The following MYO7B variants were observed in gnomAD, a reference collection of about 807,000 sequenced individuals.
MYO7B encodes unconventional myosin-VIIb.
Under a neutral mutation model 259.7 loss-of-function variants are expected in MYO7B, and 212 were observed. The observed-to-expected ratio is 0.82, with a 90% CI of 0.73 to 0.91. The LOEUF is 0.91. MYO7B is among the 40% of genes least tolerant of loss of function. The probability of loss-of-function intolerance (pLI) is 0.00; values close to 1 mark genes in which losing one functional copy is unlikely to be tolerated. For synonymous variants in MYO7B, 1,197 were observed against 1,166.4 expected (o/e 1.03, Z -0.54); for missense variants, 2,732 against 2,813.5 (o/e 0.97, Z 0.66).
In MYO7B at chr2:127,637,470, G is replaced by A. The variant is rs899600078; in HGVS notation, c.*53G>A. On this transcript the variant is annotated 3_prime_UTR_variant, in exon 48 of 48. Coordinates refer to ENST00000409816, the MANE Select transcript of MYO7B (RefSeq NM_001393586.1). ...CGCCCTTCCCGACCTCTAGCCTGGC[G>A]GCACCTTCCCAGGCCCTCTCAACCC... 2.7e-5 allele frequency: 36 copies of A among 1,341,552 alleles called. No homozygotes were observed. The South Asian group carries it at 2.7e-4, about 10-fold the overall frequency. The allele number at this position is 1,341,552 out of a possible 1,614,324, so 83.1% of individuals were successfully genotyped here. A position where few individuals can be genotyped will look rare whatever the true frequency, so the allele number is the denominator to read the frequency against.
chr2:127,634,332 G>C (rs1329267111), intron 41 of MYO7B, 43 bp downstream of exon 41: 2 of 1,428,092 alleles, frequency 1.4e-6, no homozygotes, highest in Non-Finnish European at 1.9e-6. Flanking sequence ...CGGACGGGCA[G>C]TGAGCGAGGC....
chr2:127,605,228 C>T lies in MYO7B; in HGVS notation c.2340-616C>T, dbSNP rs887979442. The stretch of plus-strand genomic sequence containing the variant: ...AGGAGGGCCGTCTGCAATAAAAATG[C>T]GGAAGTAAGTTTTATCCTTTTGTAG... On this transcript the variant is annotated intron_variant, in intron 19 of 47. Coordinates refer to ENST00000409816, the MANE Select transcript of MYO7B (RefSeq NM_001393586.1). Among the ~76,000 whole-genome samples, 10 of 152,146 alleles carry T rather than the reference C, an allele frequency of 6.6e-5. No individual in the cohort carries two copies. In the East Asian group the frequency reaches 7.7e-4, roughly 12 times the overall value.
At chr2:127,633,417 G>A in intron 40 of MYO7B, 54 bp downstream of exon 40, 1 of 1,549,752 alleles carries the variant, frequency 6.5e-7, no homozygotes, top group Non-Finnish European at 8.9e-7. Flanking sequence ...GAGGCCATGG[G>A]GCATCCTCCT....
In MYO7B at chr2:127,565,382, C is replaced by T. The variant is rs772567705; in HGVS notation, c.282C>T (p.Ile94=). 6.2e-7 allele frequency: 1 copy of T among 1,613,998 alleles called. No homozygotes were observed. The highest frequency in any genetic ancestry group is 8.5e-7 in the Non-Finnish European group (1 of 1,179,852). The change falls in exon 4 of 48, where the codon ATC becomes ATT. Residue 94 remains isoleucine (I), a synonymous_variant. Coordinates refer to ENST00000409816, the MANE Select transcript of MYO7B (RefSeq NM_001393586.1). ...NLLIRYQQHK[I]YTYTGSILVA... ...TGATCCGCTACCAGCAGCACAAGAT[C>T]TATGTGAGTCTCCCCAGCCCTGTGT...
At chr2:127,571,605 C>G (rs780503704) in intron 6 of MYO7B, among the ~76,000 whole-genome samples, 3 of 151,670 alleles carry the variant, frequency 2.0e-5, no homozygotes, top group African/African-American at 7.3e-5. Flanking sequence ...CTCAGCCTCC[C>G]GAGTAGCTGG....
rs554982597 is a variant in MYO7B, at chr2:127,637,171, T to C, written c.6328-145T>C. The C allele has an allele frequency of 1.7e-4, 154 of 891,002 alleles. No homozygotes were observed. In the Admixed American group the frequency reaches 2.5e-3, roughly 15 times the overall value. The allele number at this position is 891,002 out of a possible 1,614,324, so 55.2% of individuals were successfully genotyped here. A position where few individuals can be genotyped will look rare whatever the true frequency, so the allele number is the denominator to read the frequency against. ...CCAGCTCCAGCAGGGCAAGCAGAAA[T>C]GACGGCCCCAATGGCAGGAGCCCGC... On this transcript the variant is annotated intron_variant, in intron 47 of 47. Coordinates refer to ENST00000409816, the MANE Select transcript of MYO7B (RefSeq NM_001393586.1).
chr2:127,563,175 T>A (rs984955292), intron 2 of MYO7B, among the ~76,000 whole-genome samples: 1 of 152,226 alleles, frequency 6.6e-6, no homozygotes, highest in African/African-American at 2.4e-5. Flanking sequence ...TTTTTGTAAA[T>A]TATGGTGAAA....
chr2:127,539,255 A>G lies in MYO7B; in HGVS notation c.-24+3424A>G, dbSNP rs17015391. ...AATAAAATAAGCTGGGACGTAGGAT[A>G]AATGAAGGTAGGAAAATACACTGCA... On this transcript the variant is annotated intron_variant, in intron 1 of 47. Coordinates refer to ENST00000409816, the MANE Select transcript of MYO7B (RefSeq NM_001393586.1). This position sits in a 1 kb window ranked among gnomAD's most constrained non-coding sequence, Gnocchi z 4.0. Among the ~76,000 whole-genome samples, 6,319 of 152,334 alleles carry G rather than the reference A, an allele frequency of 0.041. 194 individuals carry two copies. Among genetic ancestry groups the G allele is most frequent in the Admixed American group, 0.063 (958 of 15,300 alleles).
intron 42 of MYO7B, 81 bp from the exon 43 acceptor site, chr2:127,635,039 C>G (rs1006415439): frequency 8.1e-6 from 9 of 1,113,616 alleles, no homozygotes; most frequent in Admixed American, 3.9e-5. Context: ...AGGTGGCAGG[C>G]GCAGTGTGGG....
At position 127,637,548 on chromosome 2, in the gene MYO7B, C is replaced by A; in HGVS notation, c.*131C>A. Reference sequence around the variant, plus strand: ...CATGCTGCCCCCCATACAAAGCCCACTCAGCCCCGCAGGCGGCCCCCTCTG... The same window carrying A: ...CATGCTGCCCCCCATACAAAGCCCAATCAGCCCCGCAGGCGGCCCCCTCTG... On this transcript the variant is annotated 3_prime_UTR_variant, in exon 48 of 48. Transcript: ENST00000409816. 1.5e-6 allele frequency: 1 copy of A among 681,276 alleles called. No homozygotes were observed. Among genetic ancestry groups the A allele is most frequent in the Non-Finnish European group, 2.4e-6 (1 of 423,976 alleles). 42.2% of individuals were successfully genotyped at this position (681,276 alleles called of 1,614,324 possible). A position where few individuals can be genotyped will look rare whatever the true frequency, so the allele number is the denominator to read the frequency against.
In MYO7B at chr2:127,628,298, C is replaced by T. The variant is rs1441433154; in HGVS notation, c.4461-74C>T. The T allele has an allele frequency of 6.5e-7, 1 of 1,531,138 alleles. No individual in the cohort carries two copies. Among genetic ancestry groups the T allele is most frequent in the Non-Finnish European group, 8.8e-7 (1 of 1,139,126 alleles). The allele number at this position is 1,531,138 out of a possible 1,614,324, so 94.8% of individuals were successfully genotyped here. A position where few individuals can be genotyped will look rare whatever the true frequency, so the allele number is the denominator to read the frequency against. On this transcript the variant is annotated intron_variant, in intron 33 of 47. Coordinates refer to ENST00000409816, the MANE Select transcript of MYO7B (RefSeq NM_001393586.1). The surrounding 1 kb of genome is among the most constrained non-coding windows in gnomAD (Gnocchi z 4.8). ...TGTGACTCAGGACCCCCAACCCCAC[C>T]TCCCGAGGCTGTTTAGGGGCTGGAT...
chr2:127,599,502 C>T (rs575871418), intron 19 of MYO7B, among the ~76,000 whole-genome samples: 5 of 152,124 alleles, frequency 3.3e-5, no homozygotes, highest in East Asian at 1.9e-4. Context: ...TTTTCCAATC[C>T]GTATGTCTTT....
At position 127,559,705 on chromosome 2, in the gene MYO7B, T is replaced by G. The variant is rs1677990801; in HGVS notation, c.-18T>G. On this transcript the variant is annotated 5_prime_UTR_variant, in exon 2 of 48. Transcript: ENST00000409816. This position sits in a 1 kb window ranked among gnomAD's most constrained non-coding sequence, Gnocchi z 4.1. ...TGCTTTCTCTCTCCATACAGGCTTG[T>G]GGAACTGCTGACTCAGGATGTCGGG... 5.6e-6 allele frequency: 9 copies of G among 1,613,886 alleles called. No individual in the cohort carries two copies. The highest frequency in any genetic ancestry group is 7.6e-6 in the Non-Finnish European group (9 of 1,179,878).
chr2:127,624,803 G>A (rs1681025444), intron 30 of MYO7B, among the ~76,000 whole-genome samples: 1 of 152,218 alleles, frequency 6.6e-6, no homozygotes, highest in Non-Finnish European at 1.5e-5. Flanking sequence ...AGAAAGCAGA[G>A]TGATCGTACC....
In MYO7B at chr2:127,635,760, G is replaced by A. The variant is rs767566570; in HGVS notation, c.5859G>A (p.Ser1953=). Residue 1953 remains serine (S), a synonymous_variant, in exon 44 of 48, where the codon TCG becomes TCA. Coordinates refer to ENST00000409816, the MANE Select transcript of MYO7B (RefSeq NM_001393586.1). ...ACCTGCGCGGATTCCACAAGTGTTC[G>A]CGGGAGGATGCCATCCACCTGGCGG... ...PKYLRGFHKC[S]REDAIHLAGL... is the part of the protein sequence containing the mutation. 4.2e-5 allele frequency: 68 copies of A among 1,602,818 alleles called. No individual in the cohort carries two copies. The highest frequency in any genetic ancestry group is 9.4e-5 in the African/African-American group (7 of 74,650).
chr2:127,582,008 A>C lies in MYO7B; in HGVS notation c.1198A>C (p.Lys400Gln). 6.2e-7 allele frequency: 1 copy of C among 1,613,744 alleles called. No individual in the cohort carries two copies. The highest frequency in any genetic ancestry group is 8.5e-7 in the Non-Finnish European group (1 of 1,179,866). ...TGCTGACCGGAGGGACGCCTTTGTC[A>C]AGGTACAGAGCTGAGAGAGCAGGGC... ...QAADRRDAFV[K>Q]GIYGHLFLWI... Residue 400 changes from lysine to glutamine, a missense_variant and splice_region_variant, in exon 11 of 48, where the codon AAG becomes CAG. Lys to Gln is a moderately conservative substitution (Grantham distance 53). Around this residue, in one of 3 missense-constraint regions of MYO7B, gnomAD observed 1,906 missense variants for 2,026.4 expected, o/e 0.94. Transcript: ENST00000409816.
intron 19 of MYO7B, among the ~76,000 whole-genome samples, chr2:127,600,273 T>G (rs576549054): frequency 1.3e-5 from 2 of 152,382 alleles, no homozygotes; most frequent in South Asian, 4.1e-4. Context: ...GTCAAATGTA[T>G]GCATGTCAAT....
intron 1 of MYO7B, among the ~76,000 whole-genome samples, chr2:127,543,903 C>T (rs1401203458): frequency 6.6e-6 from 1 of 151,944 alleles, no homozygotes; most frequent in Non-Finnish European, 1.5e-5. Context: ...TGCCACCACA[C>T]CCGGCTCATT....
At chr2:127,540,048 C>T (rs940700450) in intron 1 of MYO7B, among the ~76,000 whole-genome samples, 1 of 152,114 alleles carries the variant, frequency 6.6e-6, no homozygotes, top group Non-Finnish European at 1.5e-5. Flanking sequence ...CCATGGTGTA[C>T]GTATACCACA....
Sources: gnomAD v4.1 joint callset for allele counts (sites outside exome capture counted in the v4.1 genomes callset) on GRCh38, gnomAD v4.1.1 for gene constraint, gnomAD v4.1.1 regional missense constraint, Gnocchi (gnomAD v3.1) non-coding constraint, MANE v1.5 for transcripts, NCBI Gene and HGNC (gene_info 2026-07-23, HGNC 2026-07-21) for gene names.